EYA3: variants seen among roughly 807,000 people sequenced by gnomAD.
The protein encoded by EYA3 is protein phosphatase EYA3.
EYA3 carries 39 observed loss-of-function variants against 80.0 expected under a neutral mutation model. That is an observed-to-expected ratio of 0.49 (90% CI 0.38 to 0.64). EYA3 has a LOEUF of 0.64. Among genes scored for constraint, EYA3 ranks in the 30% least tolerant of loss-of-function variants. EYA3 has a pLI of 0.00. For missense variants in EYA3, 523 were observed against 676.1 expected, an observed-to-expected ratio of 0.77 and a Z score of 2.51; for synonymous variants, 206 against 232.8, an observed-to-expected ratio of 0.88 and a Z score of 1.05.
chr1:28,055,722 C>T (rs951859620), intron 2 of EYA3, among the ~76,000 whole-genome samples: 7 of 152,074 alleles, frequency 4.6e-5, no homozygotes, highest in African/African-American at 1.7e-4. Flanking sequence ...CCACCCACCT[C>T]CACCACCCAA....
chr1:28,050,320 G>A (rs1271409396), intron 2 of EYA3, among the ~76,000 whole-genome samples: 1 of 151,610 alleles, frequency 6.6e-6, no homozygotes, highest in Non-Finnish European at 1.5e-5. Flanking sequence ...AGCCTCTCGA[G>A]TAGCAGGGAC....
intron 7 of EYA3, among the ~76,000 whole-genome samples, chr1:28,020,097 A>T (rs1329823327): frequency 1.3e-5 from 2 of 152,186 alleles, no homozygotes; most frequent in Non-Finnish European, 2.9e-5. Context: ...TGGTTTTACA[A>T]ATCTAACAAT....
chr1:28,043,612 C>A (rs1298253568), intron 3 of EYA3, among the ~76,000 whole-genome samples: 1 of 152,010 alleles, frequency 6.6e-6, no homozygotes, highest in African/African-American at 2.4e-5. Context: ...CTGAGGCGGG[C>A]GGATCACTTG....
intron 14 of EYA3, among the ~76,000 whole-genome samples, chr1:27,991,914 G>T (rs1318214867): frequency 1.3e-5 from 2 of 152,128 alleles, no homozygotes; most frequent in Non-Finnish European, 1.5e-5. Context: ...ACTAACAAAA[G>T]AAAGGCTAAT....
At position 28,035,570 on chromosome 1, in the gene EYA3, GTT is replaced by G; in HGVS notation, c.333_334del (p.Thr112ProfsTer18). Reference sequence around the variant, plus strand: ...AAAAGGAGGTAGTCCATACGTTTGGGTTGCCTGAGGGTAGACAGCATAGGGTT... The same window carrying G: ...AAAAGGAGGTAGTCCATACGTTTGGGGCCTGAGGGTAGACAGCATAGGGTT... On this transcript the variant is annotated frameshift_variant, in exon 6 of 18. Coordinates refer to ENST00000373871, the MANE Select transcript of EYA3 (RefSeq NM_001990.4). LOFTEE classifies it high-confidence loss of function. 1 of 1,614,062 alleles carries G rather than the reference GTT, an allele frequency of 6.2e-7. No individual in the cohort carries two copies. Among genetic ancestry groups the G allele is most frequent in the Non-Finnish European group, 8.5e-7 (1 of 1,179,978 alleles).
chr1:28,050,088 A>G (rs1644180739), intron 2 of EYA3, among the ~76,000 whole-genome samples: 2 of 151,998 alleles, frequency 1.3e-5, no homozygotes, highest in African/African-American at 4.8e-5. Flanking sequence ...TTAGAGGTAT[A>G]GAGCAACAAA....
chr1:28,075,043 G>A (rs939760558), intron 1 of EYA3, among the ~76,000 whole-genome samples: 3 of 152,160 alleles, frequency 2.0e-5, no homozygotes, highest in African/African-American at 7.2e-5. Context: ...TGTATTGACA[G>A]CCTAACTACA....
At chr1:28,022,180 G>A (rs1376567226) in intron 7 of EYA3, among the ~76,000 whole-genome samples, 1 of 151,892 alleles carries the variant, frequency 6.6e-6, no homozygotes, top group Non-Finnish European at 1.5e-5. Flanking sequence ...ACAGAGTCTC[G>A]CTCTGTCGCC....
chr1:28,017,891 T>A (rs957938191), intron 7 of EYA3, among the ~76,000 whole-genome samples: 1 of 152,150 alleles, frequency 6.6e-6, no homozygotes, highest in Non-Finnish European at 1.5e-5. Flanking sequence ...TATATGATAC[T>A]TGGGCTGTCT....
rs58401673 is a variant in EYA3 at position 28,006,934 on chromosome 1, C to CTTTTTTTT, written c.910-2523_910-2516dup. Among the ~76,000 whole-genome samples, 209 of 92,004 alleles carry CTTTTTTTT rather than the reference C, an allele frequency of 2.3e-3. 5 individuals carry two copies. The highest frequency in any genetic ancestry group is 8.6e-3 in the African/African-American group (195 of 22,682). The allele number at this position is 92,004 out of a possible 152,430, so 60.4% of individuals were successfully genotyped here. The stretch of plus-strand genomic sequence containing the variant: ...ATTATCTGTTTGCAGATGACATAAT[C>CTTTTTTTT]TTTTTTTTTTTTTTTTTTTTTTTTG... On this transcript the variant is annotated intron_variant, in intron 10 of 17. Transcript: ENST00000373871.
intron 17 of EYA3, among the ~76,000 whole-genome samples, chr1:27,976,244 G>C (rs576420615): frequency 6.6e-6 from 1 of 152,290 alleles, no homozygotes; most frequent in African/African-American, 2.4e-5. Flanking sequence ...TGGATCACCT[G>C]AAGTCAGGAG....
chr1:28,074,506 G>T (rs1472372837), intron 1 of EYA3, among the ~76,000 whole-genome samples: 4 of 145,462 alleles, frequency 2.7e-5, no homozygotes, highest in African/African-American at 1.0e-4. Flanking sequence ...TTAGTTCTTT[G>T]AACTTTCTTT....
chr1:28,050,836 T>G (rs1378120800), intron 2 of EYA3, among the ~76,000 whole-genome samples: 1 of 152,156 alleles, frequency 6.6e-6, no homozygotes, highest in Non-Finnish European at 1.5e-5. Flanking sequence ...TACTCAATTA[T>G]AGAAGTATCA....
chr1:28,047,108 A>G (rs1260502864), intron 3 of EYA3, among the ~76,000 whole-genome samples: 1 of 151,530 alleles, frequency 6.6e-6, no homozygotes. Flanking sequence ...CTGGACCTCC[A>G]AAAGTGGAGC....
intron 10 of EYA3, among the ~76,000 whole-genome samples, chr1:28,005,183 T>C (rs1423319437): frequency 1.3e-5 from 2 of 152,076 alleles, no homozygotes; most frequent in Admixed American, 1.3e-4. Context: ...AGTAAGGAGA[T>C]TGAATGCATA....
At chr1:28,025,718 T>C (rs1221017501) in intron 7 of EYA3, among the ~76,000 whole-genome samples, 1 of 152,180 alleles carries the variant, frequency 6.6e-6, no homozygotes, top group Admixed American at 6.5e-5. Context: ...TGGTGGTTAG[T>C]GAAGTTTAAG....
At chr1:27,989,900 T>G in intron 14 of EYA3, 89 bp from the exon 15 acceptor site, 1 of 651,262 alleles carries the variant, frequency 1.5e-6, no homozygotes, top group South Asian at 1.9e-5. Flanking sequence ...ATTTAAAAAG[T>G]GTGAGTCACT....
chr1:28,046,962 C>T (rs1644030620), intron 3 of EYA3, among the ~76,000 whole-genome samples: 1 of 151,924 alleles, frequency 6.6e-6, no homozygotes, highest in African/African-American at 2.4e-5. Context: ...ATCCTCCTGC[C>T]TCAGCCCCGA....
At chr1:28,059,827 T>G (rs1644558623) in intron 1 of EYA3, among the ~76,000 whole-genome samples, 1 of 151,708 alleles carries the variant, frequency 6.6e-6, no homozygotes, top group Admixed American at 6.6e-5. Context: ...TTCAAGCAAT[T>G]TTTCTGCCTC....
Sources: gnomAD v4.1 joint callset for allele counts (sites outside exome capture counted in the v4.1 genomes callset) on GRCh38, gnomAD v4.1.1 for gene constraint, MANE v1.5 for transcripts, NCBI Gene and HGNC (gene_info 2026-07-23, HGNC 2026-07-21) for gene names.